The following UNC5D variants were observed in gnomAD, a reference collection of about 807,000 sequenced individuals.
The protein encoded by UNC5D is unc-5 netrin receptor D, also known as netrin receptor UNC5D.
UNC5D carries 39 observed loss-of-function variants against 105.4 expected under a neutral mutation model. That is an observed-to-expected ratio of 0.37 (90% confidence interval 0.29 to 0.48). The LOEUF (loss-of-function observed/expected upper bound fraction) is 0.48, where lower values mean the gene tolerates loss of function less well. UNC5D is among the 20% of genes least tolerant of loss of function. The probability of loss-of-function intolerance (pLI) is 0.98; values close to 1 mark genes in which losing one functional copy is unlikely to be tolerated. For synonymous variants in UNC5D, 452 were observed against 450.4 expected (o/e 1.00, Z -0.04); for missense variants, 991 against 1,202.4 (o/e 0.82, Z 2.60).
intron 1 of UNC5D, among the ~76,000 whole-genome samples, chr8:35,375,053 G>T (rs1388717439): frequency 6.6e-6 from 1 of 152,082 alleles, no homozygotes; most frequent in Non-Finnish European, 1.5e-5. Context: ...TTCAGCTAAG[G>T]CTTATATCCA....
At chr8:35,491,074 C>T (rs992490652) in intron 1 of UNC5D, among the ~76,000 whole-genome samples, 3 of 151,858 alleles carry the variant, frequency 2.0e-5, no homozygotes, top group Admixed American at 1.3e-4. Flanking sequence ...TTTTTTACTA[C>T]CTGAACTTCG....
chr8:35,633,518 C>T (rs541439127), intron 4 of UNC5D, among the ~76,000 whole-genome samples: 9 of 151,906 alleles, frequency 5.9e-5, no homozygotes, highest in East Asian at 3.9e-4. Flanking sequence ...GAGGTCGAGG[C>T]GGGAGGATCT....
intron 1 of UNC5D, among the ~76,000 whole-genome samples, chr8:35,511,877 A>G (rs1812735140): frequency 6.6e-6 from 1 of 152,206 alleles, no homozygotes; most frequent in Non-Finnish European, 1.5e-5. Flanking sequence ...GTCTGACTCT[A>G]AAACTGATAT....
At chr8:35,356,433 T>C (rs1238144608) in intron 1 of UNC5D, among the ~76,000 whole-genome samples, 1 of 152,052 alleles carries the variant, frequency 6.6e-6, no homozygotes, top group African/African-American at 2.4e-5. Context: ...TTGGAACACA[T>C]TTTTGTTCAT....
chr8:35,380,049 T>C (rs1802927189), intron 1 of UNC5D, among the ~76,000 whole-genome samples: 2 of 116,450 alleles, frequency 1.7e-5, no homozygotes, highest in Admixed American at 2.3e-4. Flanking sequence ...AGATCTCCTC[T>C]CTTGGCTTGT....
At chr8:35,703,034 C>G (rs1216772527) in intron 7 of UNC5D, among the ~76,000 whole-genome samples, 1 of 151,982 alleles carries the variant, frequency 6.6e-6, no homozygotes, top group Non-Finnish European at 1.5e-5. Flanking sequence ...TTTAACATAT[C>G]AGGAAACTGA....
intron 4 of UNC5D, among the ~76,000 whole-genome samples, chr8:35,599,643 T>G (rs894982909): frequency 2.0e-5 from 3 of 152,194 alleles, no homozygotes; most frequent in Admixed American, 6.5e-5. Context: ...TAAAATGCAT[T>G]AGACAACATT....
intron 1 of UNC5D, among the ~76,000 whole-genome samples, chr8:35,397,586 G>C (rs938609642): frequency 2.0e-5 from 3 of 152,140 alleles, no homozygotes; most frequent in Non-Finnish European, 4.4e-5. Context: ...CATTGAGTAG[G>C]TGCTTTTCAG....
At chr8:35,652,700 A>G (rs1277970709) in intron 4 of UNC5D, among the ~76,000 whole-genome samples, 1 of 151,538 alleles carries the variant, frequency 6.6e-6, no homozygotes, top group East Asian at 1.9e-4. Flanking sequence ...CTCTTTATAT[A>G]TTTAAACATA....
chr8:35,530,180 G>C (rs749087860), intron 1 of UNC5D, among the ~76,000 whole-genome samples: 2 of 151,910 alleles, frequency 1.3e-5, no homozygotes, highest in African/African-American at 2.4e-5. Context: ...TTGGCTGTGG[G>C]TTTGTCATAG....
At chr8:35,373,177 A>G (rs1193493714) in intron 1 of UNC5D, among the ~76,000 whole-genome samples, 2 of 152,116 alleles carry the variant, frequency 1.3e-5, no homozygotes, top group Non-Finnish European at 2.9e-5. Context: ...TGCTCAGCCT[A>G]TCTTGATTCT....
At chr8:35,458,519 A>G (rs951024069) in intron 1 of UNC5D, among the ~76,000 whole-genome samples, 3 of 152,140 alleles carry the variant, frequency 2.0e-5, no homozygotes, top group Non-Finnish European at 4.4e-5. Flanking sequence ...ATCTAAAGGA[A>G]AGCAAGAGAA....
rs1801420179 is a variant in UNC5D, at chr8:35,759,436, C to G, written c.2280C>G (p.Phe760Leu). ...LQISVLDIPP[F>L]LWRIKPFTAC... ...TTTCTGTCCTTGATATTCCCCCATT[C>G]CTCTGGAGAATTAAACCATTCACTG... Residue 760 changes from phenylalanine to leucine, a missense_variant, in exon 14 of 17, where the codon TTC becomes TTG. Coordinates refer to ENST00000404895, the MANE Select transcript of UNC5D (RefSeq NM_080872.4). 6.2e-7 allele frequency: 1 copy of G among 1,613,884 alleles called. No individual in the cohort carries two copies. The highest frequency in any genetic ancestry group is 8.5e-7 in the Non-Finnish European group (1 of 1,179,956).
chr8:35,390,841 TAA>T (rs1803723861), intron 1 of UNC5D, among the ~76,000 whole-genome samples: 2 of 152,224 alleles, frequency 1.3e-5, no homozygotes, highest in South Asian at 2.1e-4. Context: ...TCTGAGCTGT[TAA>T]AAGAGTGTAC....
In UNC5D at chr8:35,395,855, G is replaced by T. The variant is rs191972326; in HGVS notation, c.104-153437G>T. ...CACATGTCTTGTGTGGCCCATAGCT[G>T]CAGGATTCAAACTCGATTCTTCAGC... On this transcript the variant is annotated intron_variant, in intron 1 of 16. Transcript: ENST00000404895. Among the ~76,000 whole-genome samples the T allele has an allele frequency of 6.6e-5, 10 of 152,280 alleles. No homozygotes were observed. The South Asian group carries it at 1.4e-3, about 22-fold the overall frequency.
At chr8:35,278,422 T>C (rs1805922522) in intron 1 of UNC5D, among the ~76,000 whole-genome samples, 1 of 152,164 alleles carries the variant, frequency 6.6e-6, no homozygotes, top group African/African-American at 2.4e-5. Flanking sequence ...TCCTTGTTCT[T>C]TTTGTTGTGA....
rs1055542187 is a variant in UNC5D at position 35,525,891 on chromosome 8, C to A, written c.104-23401C>A. 5 of 883,242 alleles carry A rather than the reference C, an allele frequency of 5.7e-6. No individual in the cohort carries two copies. In the African/African-American group the frequency reaches 6.8e-5, roughly 12 times the overall value. 54.7% of individuals were successfully genotyped at this position (883,242 alleles called of 1,614,324 possible). On this transcript the variant is annotated intron_variant, in intron 1 of 16. Coordinates refer to ENST00000404895, the MANE Select transcript of UNC5D (RefSeq NM_080872.4). ...TTTAGCTATTAAAAAAGAAAATTTT[C>A]TTTTCTCTCCCTGCACTGGAGTGTT... is the stretch of plus-strand genomic sequence containing the variant.
chr8:35,314,605 A>C (rs1194917751), intron 1 of UNC5D, among the ~76,000 whole-genome samples: 1 of 152,204 alleles, frequency 6.6e-6, no homozygotes, highest in Non-Finnish European at 1.5e-5. Flanking sequence ...AAATCTTACA[A>C]TAGTGAAGTA....
intron 4 of UNC5D, among the ~76,000 whole-genome samples, chr8:35,601,177 G>C (rs1484801062): frequency 6.6e-6 from 1 of 152,134 alleles, no homozygotes; most frequent in Non-Finnish European, 1.5e-5. Context: ...TTTGGTACCA[G>C]TACCATGCTG....
Sources: allele counts gnomAD v4.1 joint callset (sites outside exome capture counted in the v4.1 genomes callset), GRCh38; gene constraint gnomAD v4.1.1; transcripts MANE v1.5; gene names NCBI Gene and HGNC (gene_info 2026-07-23, HGNC 2026-07-21).